KDM2B: variants seen among roughly 807,000 people sequenced by gnomAD.
KDM2B encodes lysine-specific demethylase 2B.
Under a neutral mutation model 150.0 loss-of-function variants are expected in KDM2B, and 26 were observed. That is an observed-to-expected ratio of 0.17 (90% CI 0.13 to 0.24). The LOEUF is 0.24. Among genes scored for constraint, KDM2B ranks in the 10% least tolerant of loss-of-function variants. KDM2B has a pLI of 1.00. For synonymous variants in KDM2B, 734 were observed against 729.5 expected, an observed-to-expected ratio of 1.01 and a Z score of -0.10; for missense variants, 1,265 against 1,816.9, an observed-to-expected ratio of 0.70 and a Z score of 5.52.
chr12:121,527,653 CAAAA>C (rs58304715), intron 8 of KDM2B, among the ~76,000 whole-genome samples: 7 of 58,574 alleles, frequency 1.2e-4, no homozygotes, highest in Non-Finnish European at 3.0e-5. Flanking sequence ...GACTCCGTCT[CAAAA>C]AAAAAAAAAA....
chr12:121,417,454 T>C, the KDM2B span: 1 of 1,504,248 alleles, frequency 6.6e-7, no homozygotes, highest in Non-Finnish European at 9.0e-7. The surrounding 1 kb of genome is among the most constrained non-coding windows in gnomAD (Gnocchi z 5.0). Flanking sequence ...AAACTCATGC[T>C]TTCATAATGG....
chr12:121,478,622 G>GT (rs1881671980), intron 12 of KDM2B, among the ~76,000 whole-genome samples: 1 of 152,052 alleles, frequency 6.6e-6, no homozygotes, highest in African/African-American at 2.4e-5. Flanking sequence ...GCCTCCCAAA[G>GT]TGCTGGGATT....
At chr12:121,479,355 T>C (rs1477300473) in intron 12 of KDM2B, among the ~76,000 whole-genome samples, 1 of 148,702 alleles carries the variant, frequency 6.7e-6, no homozygotes, top group Non-Finnish European at 1.5e-5. Flanking sequence ...TAGTCCCAGC[T>C]ACTCGGAAGG....
At chr12:121,516,282 G>GA in intron 9 of KDM2B, 1 of 324,852 alleles carries the variant, frequency 3.1e-6, no homozygotes. Context: ...TAAATTAGGG[G>GA]AAAAAAATTG....
At chr12:121,495,637 G>T (rs938674824) in intron 11 of KDM2B, among the ~76,000 whole-genome samples, 1 of 152,116 alleles carries the variant, frequency 6.6e-6, no homozygotes, top group Non-Finnish European at 1.5e-5. Context: ...CTGGGCGGTG[G>T]CACTACGGAT....
intron 2 of KDM2B, among the ~76,000 whole-genome samples, chr12:121,576,209 G>A (rs2136616056): frequency 6.6e-6 from 1 of 152,244 alleles, no homozygotes; most frequent in South Asian, 2.1e-4. Flanking sequence ...TGAGAAAGAG[G>A]GATAGACAGA....
At chr12:121,414,971 C>T in the KDM2B span, among the ~76,000 whole-genome samples, 1 of 152,206 alleles carries the variant, frequency 6.6e-6, no homozygotes, top group Non-Finnish European at 1.5e-5. Context: ...TGGCGGATGC[C>T]TGTAATCCCA....
At chr12:121,433,020 G>C in intron 22 of KDM2B, 5 of 408,742 alleles carry the variant, frequency 1.2e-5, no homozygotes, top group Admixed American at 8.7e-5. Flanking sequence ...GCAGTTACCT[G>C]TCGGTGGTAA....
chr12:121,496,834 G>A (rs1475211634), intron 11 of KDM2B, among the ~76,000 whole-genome samples: 1 of 151,416 alleles, frequency 6.6e-6, no homozygotes, highest in Non-Finnish European at 1.5e-5. Context: ...GATTGCAGGT[G>A]TGAGCCCCCC....
chr12:121,498,843 CAG>C (rs752953761), intron 11 of KDM2B, among the ~76,000 whole-genome samples: 2 of 152,024 alleles, frequency 1.3e-5, no homozygotes, highest in Admixed American at 6.6e-5. Context: ...TTTAAAAAAA[CAG>C]AGAGTTGCCC....
chr12:121,489,185 T>G (rs1303503019), intron 12 of KDM2B, among the ~76,000 whole-genome samples: 1 of 152,156 alleles, frequency 6.6e-6, no homozygotes, highest in African/African-American at 2.4e-5. Flanking sequence ...CCTGAAGTGA[T>G]GTGCCCAACT....
At chr12:121,554,400 T>A (rs1413925261) in intron 4 of KDM2B, among the ~76,000 whole-genome samples, 1 of 148,774 alleles carries the variant, frequency 6.7e-6, no homozygotes, top group Non-Finnish European at 1.5e-5. Context: ...TTGCCCTTTG[T>A]AACATACTTT....
chr12:121,479,292 G>A (rs1287150849), intron 12 of KDM2B, among the ~76,000 whole-genome samples: 1 of 127,516 alleles, frequency 7.8e-6, no homozygotes, highest in African/African-American at 2.9e-5. Flanking sequence ...CCCCACCCCC[G>A]CCGTCTCTAC....
At chr12:121,539,727 G>A (rs1555309433) in intron 6 of KDM2B, among the ~76,000 whole-genome samples, 1 of 151,844 alleles carries the variant, frequency 6.6e-6, no homozygotes, top group African/African-American at 2.4e-5. Flanking sequence ...CCCCTAATGT[G>A]TTTGTTTGTT....
At chr12:121,417,963 C>G in the KDM2B span, 3 of 1,561,832 alleles carry the variant, frequency 1.9e-6, no homozygotes, top group African/African-American at 4.1e-5. The surrounding 1 kb of genome is among the most constrained non-coding windows in gnomAD (Gnocchi z 5.0). Context: ...TATTCTTGGC[C>G]GTATATGGTG....
chr12:121,430,728 A>C lies in KDM2B; in HGVS notation c.3830-259T>G. 1 of 579,492 alleles carries C rather than the reference A, an allele frequency of 1.7e-6. No homozygotes were observed. 35.9% of individuals were successfully genotyped at this position (579,492 alleles called of 1,614,324 possible). ...ACGTGAAAATCACTTCTGATTTACC[A>C]CACAGCTGCCTCTATACGTGCGTAT... On this transcript the variant is annotated intron_variant, in intron 22 of 22. Coordinates refer to ENST00000377071, the MANE Select transcript of KDM2B (RefSeq NM_032590.5). The surrounding 1 kb of genome is among the most constrained non-coding windows in gnomAD (Gnocchi z 4.4).
downstream of KDM2B, among the ~76,000 whole-genome samples, chr12:121,427,652 A>G (rs890240913): frequency 6.6e-5 from 10 of 152,350 alleles, no homozygotes; most frequent in Admixed American, 3.9e-4. Flanking sequence ...GTGTTATACA[A>G]TGGCCTGTCC....
chr12:121,501,983 C>T (rs1346999334), intron 11 of KDM2B, among the ~76,000 whole-genome samples: 1 of 152,110 alleles, frequency 6.6e-6, no homozygotes, highest in African/African-American at 2.4e-5. Context: ...CCTCACTGTT[C>T]TACATGTCAG....
At chr12:121,532,775 A>G (rs1555308057) in intron 8 of KDM2B, 31 bp downstream of exon 8, 3 of 1,611,464 alleles carry the variant, frequency 1.9e-6, no homozygotes, top group Non-Finnish European at 2.5e-6. Context: ...AGGAGACTCG[A>G]GGAGCCCAGA....
Sources: allele counts gnomAD v4.1 joint callset (sites outside exome capture counted in the v4.1 genomes callset), GRCh38; gene constraint gnomAD v4.1.1; non-coding constraint Gnocchi (gnomAD v3.1); transcripts MANE v1.5; gene names NCBI Gene and HGNC (gene_info 2026-07-23, HGNC 2026-07-21).